The following BOD1L1 variants were observed in gnomAD, a reference collection of about 807,000 sequenced individuals.
BOD1L1 encodes biorientation of chromosomes in cell division 1 like 1.
BOD1L1 carries 86 observed loss-of-function variants against 240.7 expected under a neutral mutation model. That is an observed-to-expected ratio of 0.36 (90% confidence interval 0.30 to 0.43). The LOEUF is 0.43. Among genes scored for constraint, BOD1L1 ranks in the 20% least tolerant of loss-of-function variants. BOD1L1 has a pLI of 1.00. For synonymous variants in BOD1L1, 1,268 were observed against 1,272.3 expected (o/e 1.00, Z 0.07); for missense variants, 3,554 against 3,643.5 (o/e 0.98, Z 0.63).
chr4:13,615,523 T>C lies in BOD1L1; in HGVS notation c.369-21A>G, dbSNP rs375041761. 11 of 1,564,192 alleles carry C rather than the reference T, an allele frequency of 7.0e-6. No homozygotes were observed. The African/African-American group carries it at 9.6e-5, about 14-fold the overall frequency. ...CTGATCTGAAACACAAGATAATTTA[T>C]GGAAAGGTGAAAAAATAATATATTA... On this transcript the variant is annotated intron_variant, in intron 2 of 25. Transcript: ENST00000040738.
intron 8 of BOD1L1, among the ~76,000 whole-genome samples, chr4:13,608,045 C>A (rs959704652): frequency 2.0e-5 from 3 of 152,094 alleles, no homozygotes; most frequent in African/African-American, 7.2e-5. Context: ...CTTTCTAATT[C>A]TTAAAAAGTT....
Position 13,599,123 on chromosome 4 carries a change from C to A in BOD1L1, c.7777G>T (p.Ala2593Ser), listed in dbSNP as rs1714857403. The change falls in exon 10 of 26, where the codon GCT becomes TCT. Residue 2593 changes from alanine (A) to serine (S), a missense_variant. Ala to Ser is a moderately conservative substitution (Grantham distance 99, BLOSUM62 1). Coordinates refer to ENST00000040738, the MANE Select transcript of BOD1L1 (RefSeq NM_148894.3). ...TMIPPATYSV[A>S]LLAPKCEQDL... is the part of the protein sequence containing the mutation. ...TGCTCACATTTAGGAGCCAACAGAG[C>A]TACACTGTAAGTAGCTGGAGGGATC... 4.3e-6 allele frequency: 7 copies of A among 1,613,912 alleles called. No individual in the cohort carries two copies. Among genetic ancestry groups the A allele is most frequent in the Admixed American group, 1.7e-5 (1 of 60,004 alleles).
chr4:13,577,025 C>A (rs757927395), intron 24 of BOD1L1, 34 bp from the exon 25 acceptor site: 19 of 1,606,150 alleles, frequency 1.2e-5, no homozygotes, highest in Admixed American at 6.8e-5. Flanking sequence ...CTGGATTTTA[C>A]AATTCCCAAA....
chr4:13,601,723 G>C lies in BOD1L1; in HGVS notation c.5177C>G (p.Thr1726Ser), dbSNP rs937149516. The C allele has an allele frequency of 1.9e-6, 3 of 1,613,856 alleles. No individual in the cohort carries two copies. The highest frequency in any genetic ancestry group is 2.5e-6 in the Non-Finnish European group (3 of 1,179,910). The change falls in exon 10 of 26, where the codon ACT becomes AGT. Residue 1726 changes from threonine (T) to serine (S), a missense_variant. This residue lies in a region of BOD1L1 where 3,393 missense variants were observed against 3,427.1 expected (regional missense o/e 0.99). Coordinates refer to ENST00000040738, the MANE Select transcript of BOD1L1 (RefSeq NM_148894.3). ...GCCTTCTGCTCCTGTACATGTCACA[G>C]TGCCCTCTGTTTCTTTTTTGGGACC... Reference protein sequence around the residue: ...RMGPKKETEGTVTCTGAEGRS... With the variant: ...RMGPKKETEGSVTCTGAEGRS...
At chr4:13,584,864 T>C (rs1713545875) in intron 17 of BOD1L1, among the ~76,000 whole-genome samples, 2 of 152,276 alleles carry the variant, frequency 1.3e-5, no homozygotes, top group Non-Finnish European at 2.9e-5. Flanking sequence ...ACAGAAATGA[T>C]GAAATCACTC....
chr4:13,602,541 T>G lies in BOD1L1; in HGVS notation c.4359A>C (p.Glu1453Asp). 4 of 1,614,046 alleles carry G rather than the reference T, an allele frequency of 2.5e-6. No individual in the cohort carries two copies. The highest frequency in any genetic ancestry group is 3.4e-6 in the Non-Finnish European group (4 of 1,179,900). ...TTCTTTTATGCTTAAGTTTGACAGTTTCAGCATATTTTTCTGTATTCAGGC... is the reference window on the plus strand; with the variant it reads ...TTCTTTTATGCTTAAGTTTGACAGTGTCAGCATATTTTTCTGTATTCAGGC... The part of the protein sequence containing the change: ...VVGLNTEKYA[E>D]TVKLKHKRSP... Residue 1453 changes from glutamate to aspartate, a missense_variant, in exon 10 of 26, where the codon GAA (glutamate) becomes GAC (aspartate). Transcript: ENST00000040738.
intron 13 of BOD1L1, among the ~76,000 whole-genome samples, chr4:13,590,877 A>G (rs940605925): frequency 2.0e-5 from 3 of 152,058 alleles, no homozygotes; most frequent in African/African-American, 7.2e-5. Flanking sequence ...AAAGGCTCAG[A>G]ATATCCTATA....
intron 16 of BOD1L1, 98 bp from the exon 17 acceptor site, chr4:13,586,573 G>C (rs576239363): frequency 1.5e-6 from 1 of 688,380 alleles, no homozygotes; most frequent in East Asian, 3.0e-5. Flanking sequence ...TTCTTTCTTA[G>C]GCCTGTGATA....
chr4:13,600,936 G>A lies in BOD1L1; in HGVS notation c.5964C>T (p.Asp1988=). The A allele has an allele frequency of 1.9e-6, 3 of 1,613,926 alleles. No homozygotes were observed. The highest frequency in any genetic ancestry group is 2.5e-6 in the Non-Finnish European group (3 of 1,179,872). The part of the protein sequence containing the change: ...PMTSAASDQS[D]SQLEKVEDTT... The stretch of plus-strand genomic sequence containing the variant: ...TATCTTCAACTTTTTCGAGCTGACT[G>A]TCACTTTGATCAGATGCAGCACTAG... The change falls in exon 10 of 26, where the codon GAC becomes GAT. Residue 1988 remains aspartate (D), a synonymous_variant. Transcript: ENST00000040738.
At chr4:13,612,066 G>A (rs1716211410) in intron 5 of BOD1L1, among the ~76,000 whole-genome samples, 1 of 152,152 alleles carries the variant, frequency 6.6e-6, no homozygotes, top group African/African-American at 2.4e-5. Context: ...AAAGTGGAGT[G>A]TTCACAGAAT....
chr4:13,583,215 A>C (rs983253839), intron 17 of BOD1L1, among the ~76,000 whole-genome samples: 3 of 152,218 alleles, frequency 2.0e-5, no homozygotes, highest in African/African-American at 7.2e-5. Flanking sequence ...ATCCCCCCAT[A>C]GTGGCAAGAA....
chr4:13,596,341 A>G (rs1451513592), intron 11 of BOD1L1, among the ~76,000 whole-genome samples: 1 of 151,968 alleles, frequency 6.6e-6, no homozygotes, highest in Non-Finnish European at 1.5e-5. Flanking sequence ...CTTTGCTTGG[A>G]AGGCTCTTTT....
chr4:13,610,118 C>T (rs1158917315), intron 6 of BOD1L1, among the ~76,000 whole-genome samples: 1 of 152,154 alleles, frequency 6.6e-6, no homozygotes, highest in Admixed American at 6.6e-5. Flanking sequence ...TGATTCTGAA[C>T]TTTTCATATT....
chr4:13,577,306 A>G (rs1391022488), intron 24 of BOD1L1, 97 bp downstream of exon 24: 1 of 951,306 alleles, frequency 1.1e-6, no homozygotes, highest in Non-Finnish European at 1.6e-6. Context: ...TATTAATATT[A>G]GCTGTACCCA....
chr4:13,585,630 T>G (rs192759004), intron 17 of BOD1L1, among the ~76,000 whole-genome samples: 1 of 152,282 alleles, frequency 6.6e-6, no homozygotes, highest in Non-Finnish European at 1.5e-5. Context: ...ACCCAGATTT[T>G]AGAGGCAGGA....
intron 21 of BOD1L1, 150 bp from the exon 22 acceptor site, chr4:13,580,123 C>CTAG (rs1713108158): frequency 1.7e-6 from 1 of 590,688 alleles, no homozygotes; most frequent in Non-Finnish European, 2.9e-6. Context: ...TTAAGTATAC[C>CTAG]TAGCAAACAT....
Position 13,604,627 on chromosome 4 carries a change from T to A in BOD1L1, c.2273A>T (p.Glu758Val). 6.3e-7 allele frequency: 1 copy of A among 1,578,872 alleles called. No individual in the cohort carries two copies. The highest frequency in any genetic ancestry group is 8.5e-7 in the Non-Finnish European group (1 of 1,169,976). Reference sequence around the variant, plus strand: ...TAAACCTTTCTCAGAAGAGTGAAGCTCAGTCTCATCACCTGTTTTATGCAT... The same window carrying A: ...TAAACCTTTCTCAGAAGAGTGAAGCACAGTCTCATCACCTGTTTTATGCAT... ...DCMHKTGDET[E>V]LHSSEKGLKV... is the part of the protein sequence containing the mutation. The change falls in exon 10 of 26, where the codon GAG (glutamate) becomes GTG (valine). Residue 758 changes from glutamate (E) to valine (V), a missense_variant. Coordinates refer to ENST00000040738, the MANE Select transcript of BOD1L1 (RefSeq NM_148894.3).
Position 13,599,080 on chromosome 4 carries a change from T to A in BOD1L1, c.7820A>T (p.Asn2607Ile), listed in dbSNP as rs145147096. Residue 2607 changes from asparagine to isoleucine, a missense_variant, in exon 10 of 26, where the codon AAT becomes ATT. Transcript: ENST00000040738. ...ATCAGTCCATTTGCCACTATAATCATTCTTTATAGTCAAGTCCTGCTCACA... is the reference window on the plus strand; with the variant it reads ...ATCAGTCCATTTGCCACTATAATCAATCTTTATAGTCAAGTCCTGCTCACA... The part of the protein sequence containing the change: ...PKCEQDLTIK[N>I]DYSGKWTDQA... The A allele has an allele frequency of 9.7e-5, 157 of 1,613,908 alleles. No homozygotes were observed. The highest frequency in any genetic ancestry group is 1.2e-4 in the Non-Finnish European group (139 of 1,179,902).
chr4:13,626,091 A>G (rs1440183787), intron 1 of BOD1L1: 3 of 152,158 alleles, frequency 2.0e-5, no homozygotes, highest in African/African-American at 7.2e-5. Flanking sequence ...GCTCATGCCT[A>G]CTGGGCGAAT....
Sources: gnomAD v4.1 joint callset for allele counts (sites outside exome capture counted in the v4.1 genomes callset) on GRCh38, gnomAD v4.1.1 for gene constraint, gnomAD v4.1.1 regional missense constraint, MANE v1.5 for transcripts, NCBI Gene and HGNC (gene_info 2026-07-23, HGNC 2026-07-21) for gene names.